FNDC3B: variants seen among roughly 807,000 people sequenced by gnomAD.
The protein encoded by FNDC3B is fibronectin type III domain containing 3B, also known as fibronectin type III domain-containing protein 3B.
FNDC3B carries 12 observed loss-of-function variants against 151.5 expected under a neutral mutation model. The ratio of observed to expected loss-of-function variants is 0.08; its 90% CI spans 0.05 to 0.13. The LOEUF (loss-of-function observed/expected upper bound fraction) is 0.13. FNDC3B is among the 10% of genes least tolerant of loss of function. The probability of loss-of-function intolerance (pLI) is 1.00; values close to 1 mark genes in which losing one functional copy is unlikely to be tolerated. For missense variants in FNDC3B, 1,214 were observed against 1,505.3 expected, an observed-to-expected ratio of 0.81 and a Z score of 3.20; for synonymous variants, 528 against 549.0, an observed-to-expected ratio of 0.96 and a Z score of 0.54.
intron 3 of FNDC3B, among the ~76,000 whole-genome samples, chr3:172,192,436 C>G (rs188006686): frequency 6.6e-6 from 1 of 151,840 alleles, no homozygotes; most frequent in African/African-American, 2.4e-5. Flanking sequence ...CCGCCCGCCT[C>G]GGCCTCCCAA....
At chr3:172,041,729 C>T (rs1375972252) in intron 1 of FNDC3B, among the ~76,000 whole-genome samples, 4 of 152,140 alleles carry the variant, frequency 2.6e-5, no homozygotes, top group Admixed American at 6.5e-5. Context: ...CCTGGGTGCC[C>T]GGGCAACGCC....
intron 5 of FNDC3B, among the ~76,000 whole-genome samples, chr3:172,250,014 G>A (rs1300870552): frequency 6.6e-6 from 1 of 152,014 alleles, no homozygotes; most frequent in Non-Finnish European, 1.5e-5. Context: ...GATTTGGATG[G>A]TAATTTATAT....
At chr3:172,191,850 A>G (rs1724524831) in intron 3 of FNDC3B, among the ~76,000 whole-genome samples, 2 of 152,052 alleles carry the variant, frequency 1.3e-5, no homozygotes, top group Admixed American at 6.6e-5. Flanking sequence ...TCTTCTGCCA[A>G]CTCTCAATCA....
chr3:172,077,374 C>G (rs1221224360), intron 1 of FNDC3B, among the ~76,000 whole-genome samples: 1 of 152,052 alleles, frequency 6.6e-6, no homozygotes, highest in African/African-American at 2.4e-5. Flanking sequence ...AATGAAAGGG[C>G]ATGGGAAGGA....
At chr3:172,251,061 G>T (rs1019704232) in intron 5 of FNDC3B, among the ~76,000 whole-genome samples, 199 bp from the exon 6 acceptor site, 1 of 152,032 alleles carries the variant, frequency 6.6e-6, no homozygotes, top group Admixed American at 6.6e-5. Flanking sequence ...CAGACAGTCC[G>T]CCCACCTCGG....
intron 23 of FNDC3B, among the ~76,000 whole-genome samples, chr3:172,368,225 G>A (rs1447791101): frequency 5.4e-5 from 8 of 147,262 alleles, no homozygotes; most frequent in African/African-American, 1.5e-4. Flanking sequence ...AGCTGTGATC[G>A]CACCACTACA....
chr3:172,147,468 G>A (rs1308616294), intron 3 of FNDC3B, among the ~76,000 whole-genome samples: 4 of 152,122 alleles, frequency 2.6e-5, no homozygotes, highest in Non-Finnish European at 4.4e-5. Context: ...AATCTAGCTC[G>A]AATGGTGTAG....
At chr3:172,230,294 A>C (rs973483336) in intron 4 of FNDC3B, among the ~76,000 whole-genome samples, 1 of 151,508 alleles carries the variant, frequency 6.6e-6, no homozygotes, top group Non-Finnish European at 1.5e-5. Flanking sequence ...GAAGTTCGAG[A>C]CCAGCCTGAC....
chr3:172,181,703 C>A (rs917025821), intron 3 of FNDC3B, among the ~76,000 whole-genome samples: 3 of 151,680 alleles, frequency 2.0e-5, no homozygotes, highest in Non-Finnish European at 4.4e-5. Context: ...GTGGCACACA[C>A]CTGTAGTGCC....
chr3:172,311,861 G>A (rs1050715131), intron 11 of FNDC3B, among the ~76,000 whole-genome samples: 1 of 149,406 alleles, frequency 6.7e-6, no homozygotes, highest in African/African-American at 2.5e-5. Context: ...CTGGGCGACA[G>A]AGCAAGACTC....
At chr3:172,181,870 A>G (rs974523826) in intron 3 of FNDC3B, among the ~76,000 whole-genome samples, 2 of 151,122 alleles carry the variant, frequency 1.3e-5, no homozygotes, top group Non-Finnish European at 3.0e-5. Flanking sequence ...GTGGGAGCAC[A>G]GACTGCTGCT....
At chr3:172,093,138 G>A (rs1718923218) in intron 1 of FNDC3B, among the ~76,000 whole-genome samples, 1 of 151,028 alleles carries the variant, frequency 6.6e-6, no homozygotes, top group Admixed American at 6.6e-5. Context: ...TTTAGAGACA[G>A]GATTGTCGCT....
intron 22 of FNDC3B, among the ~76,000 whole-genome samples, chr3:172,356,351 T>A (rs1326667064): frequency 6.6e-6 from 1 of 152,218 alleles, no homozygotes; most frequent in African/African-American, 2.4e-5. Context: ...TTTCACTACT[T>A]AACAGAGTTG....
chr3:172,077,001 G>A (rs1258255797), intron 1 of FNDC3B, among the ~76,000 whole-genome samples: 1 of 152,066 alleles, frequency 6.6e-6, no homozygotes, highest in East Asian at 1.9e-4. Context: ...TTGCATTTTA[G>A]TTAGAAAACA....
chr3:172,158,404 G>T (rs891690828), intron 3 of FNDC3B, among the ~76,000 whole-genome samples: 7 of 152,084 alleles, frequency 4.6e-5, no homozygotes, highest in Admixed American at 2.0e-4. Flanking sequence ...TTCTTCAATG[G>T]CTAGTAATCT....
chr3:172,120,951 C>A (rs1311220612), intron 2 of FNDC3B, among the ~76,000 whole-genome samples: 1 of 151,260 alleles, frequency 6.6e-6, no homozygotes, highest in African/African-American at 2.4e-5. Context: ...GCAACAAGAG[C>A]AAAACTCTGT....
intron 3 of FNDC3B, chr3:172,133,767 G>T: frequency 1.8e-6 from 1 of 549,144 alleles, no homozygotes; most frequent in Non-Finnish European, 3.3e-6. Flanking sequence ...CTGTTGGTTA[G>T]TTATTGCTAA....
At chr3:172,382,164 C>G (rs1489624258) in intron 25 of FNDC3B, among the ~76,000 whole-genome samples, 1 of 152,238 alleles carries the variant, frequency 6.6e-6, no homozygotes, top group Non-Finnish European at 1.5e-5. Context: ...GATTGCCATT[C>G]TAACTGGCGT....
intron 3 of FNDC3B, among the ~76,000 whole-genome samples, chr3:172,221,518 G>C (rs1335012327): frequency 6.6e-6 from 1 of 152,168 alleles, no homozygotes; most frequent in African/African-American, 2.4e-5. Flanking sequence ...ACTGTGCGAA[G>C]TGGGGCCTAG....
Sources: gnomAD v4.1 joint callset for allele counts (sites outside exome capture counted in the v4.1 genomes callset) on GRCh38, gnomAD v4.1.1 for gene constraint, MANE v1.5 for transcripts, NCBI Gene and HGNC (gene_info 2026-07-23, HGNC 2026-07-21) for gene names.